DIAPH3: variants seen among roughly 807,000 people sequenced by gnomAD.
DIAPH3 encodes protein diaphanous homolog 3.
In DIAPH3, 117 loss-of-function variants were observed where a neutral mutation model predicts 144.3. The observed-to-expected ratio is 0.81, with a 90% CI of 0.70 to 0.95. The LOEUF is 0.95. Ranked by LOEUF, DIAPH3 falls within the 40% of genes least tolerant of loss-of-function variation. The pLI, the probability that DIAPH3 is intolerant of heterozygous loss-of-function variation, is 0.00. For missense variants in DIAPH3, 1,421 were observed against 1,412.7 expected, an observed-to-expected ratio of 1.01 and a Z score of -0.09; for synonymous variants, 519 against 488.9, an observed-to-expected ratio of 1.06 and a Z score of -0.81.
intron 17 of DIAPH3, among the ~76,000 whole-genome samples, chr13:59,947,734 A>T (rs537186773): frequency 1.6e-5 from 2 of 124,652 alleles, no homozygotes; most frequent in South Asian, 4.9e-4. Context: ...CTCTGTATTT[A>T]AAAAAAAAAA....
intron 12 of DIAPH3, among the ~76,000 whole-genome samples, chr13:59,988,228 G>C (rs2051557965): frequency 6.6e-6 from 1 of 151,744 alleles, no homozygotes; most frequent in African/African-American, 2.4e-5. Context: ...GCCTCTATTT[G>C]TTCAAGTTCT....
At chr13:59,740,314 T>G (rs533906065) in intron 27 of DIAPH3, among the ~76,000 whole-genome samples, 38 of 152,358 alleles carry the variant, frequency 2.5e-4, no homozygotes, top group African/African-American at 8.9e-4. Context: ...ATTATACCTA[T>G]GAGACTGTAC....
chr13:59,945,326 A>G (rs1266500561), intron 17 of DIAPH3, among the ~76,000 whole-genome samples: 3 of 152,082 alleles, frequency 2.0e-5, no homozygotes, highest in African/African-American at 7.2e-5. Flanking sequence ...TTGTTGGCCT[A>G]TTTATTTTCT....
intron 27 of DIAPH3, among the ~76,000 whole-genome samples, chr13:59,668,950 G>A (rs998349466): frequency 2.0e-5 from 3 of 151,992 alleles, no homozygotes; most frequent in African/African-American, 7.3e-5. Context: ...TATAGATTGA[G>A]GGGTAAAAGC....
chr13:59,678,324 A>C (rs1237745070), intron 27 of DIAPH3, among the ~76,000 whole-genome samples: 1 of 152,164 alleles, frequency 6.6e-6, no homozygotes, highest in Non-Finnish European at 1.5e-5. Context: ...AAATGAGTGA[A>C]AAAAAGAAAT....
intron 22 of DIAPH3, among the ~76,000 whole-genome samples, chr13:59,857,845 G>A (rs2043342977): frequency 6.6e-6 from 1 of 152,122 alleles, no homozygotes. Flanking sequence ...ATTTAACTTA[G>A]GCAAAAGCCA....
At chr13:60,088,953 T>C (rs1238479780) in intron 4 of DIAPH3, among the ~76,000 whole-genome samples, 3 of 152,272 alleles carry the variant, frequency 2.0e-5, no homozygotes, top group Non-Finnish European at 4.4e-5. Context: ...CCTCTGTAAT[T>C]GATAGAGAAA....
chr13:59,902,968 T>C lies in DIAPH3; in HGVS notation c.2367+8767A>G, dbSNP rs181139696. On this transcript the variant is annotated intron_variant, in intron 20 of 27. Coordinates refer to ENST00000400324, the MANE Select transcript of DIAPH3 (RefSeq NM_001042517.2). ...TACCAAATGGCCATCTAAAGCACCA[T>C]AGAACTTGAGGGACCTTGGACAACT... Among the ~76,000 whole-genome samples, 278 of 152,288 alleles carry C rather than the reference T, an allele frequency of 1.8e-3. 3 individuals carry two copies. The highest frequency in any genetic ancestry group is 6.5e-3 in the African/African-American group (269 of 41,556).
chr13:60,041,903 G>A (rs1407490119), intron 5 of DIAPH3, among the ~76,000 whole-genome samples: 1 of 151,996 alleles, frequency 6.6e-6, no homozygotes, highest in African/African-American at 2.4e-5. Context: ...AATGGCCTCT[G>A]AATAGACTGA....
chr13:59,901,849 A>G (rs1349747030), intron 20 of DIAPH3, among the ~76,000 whole-genome samples: 1 of 152,218 alleles, frequency 6.6e-6, no homozygotes, highest in African/African-American at 2.4e-5. Context: ...CTACTGGAAT[A>G]GTTGCTACCA....
At chr13:60,083,003 A>T (rs898578822) in intron 4 of DIAPH3, among the ~76,000 whole-genome samples, 1 of 152,062 alleles carries the variant, frequency 6.6e-6, no homozygotes, top group Non-Finnish European at 1.5e-5. Flanking sequence ...AAACAAAAAG[A>T]ACAGTAAGTA....
intron 17 of DIAPH3, among the ~76,000 whole-genome samples, chr13:59,952,880 T>C (rs2049171854): frequency 6.6e-6 from 1 of 152,200 alleles, no homozygotes; most frequent in Admixed American, 6.5e-5. Flanking sequence ...TGCCCATATG[T>C]GCCAAGCATT....
At chr13:60,144,727 G>A (rs1346863968) in intron 1 of DIAPH3, 1 of 152,308 alleles carries the variant, frequency 6.6e-6, no homozygotes, top group African/African-American at 2.4e-5. Flanking sequence ...GCCACACAAT[G>A]CAGAGAATCA....
intron 27 of DIAPH3, among the ~76,000 whole-genome samples, chr13:59,753,611 CACTT>C (rs2037122776): frequency 1.3e-5 from 2 of 152,100 alleles, no homozygotes; most frequent in African/African-American, 2.4e-5. Flanking sequence ...TTATACTTGT[CACTT>C]ACAGTGAAAT....
At chr13:59,902,461 G>A (rs549051779) in intron 20 of DIAPH3, among the ~76,000 whole-genome samples, 20 of 152,240 alleles carry the variant, frequency 1.3e-4, no homozygotes, top group Non-Finnish European at 2.2e-4. Flanking sequence ...TCGCAGAACT[G>A]TCAGCCAATT....
intron 13 of DIAPH3, among the ~76,000 whole-genome samples, chr13:59,982,657 G>T (rs1333438992): frequency 2.0e-5 from 3 of 151,544 alleles, no homozygotes; most frequent in African/African-American, 4.8e-5. Context: ...CTGACAAATG[G>T]TGACTTCTTA....
chr13:59,705,673 TA>T (rs2034378224), intron 27 of DIAPH3, among the ~76,000 whole-genome samples: 1 of 152,234 alleles, frequency 6.6e-6, no homozygotes, highest in South Asian at 2.1e-4. Flanking sequence ...TTCATTATTT[TA>T]GTCTTATGGC....
At chr13:60,017,905 C>T in intron 5 of DIAPH3, among the ~76,000 whole-genome samples, 1 of 152,190 alleles carries the variant, frequency 6.6e-6, no homozygotes, top group Admixed American at 6.5e-5. Context: ...CTATCAGCGA[C>T]ACACAGATTA....
intron 24 of DIAPH3, among the ~76,000 whole-genome samples, chr13:59,827,782 A>G (rs1289683575): frequency 1.3e-5 from 2 of 152,034 alleles, no homozygotes; most frequent in Admixed American, 1.3e-4. Context: ...TGGGAACCGT[A>G]CATACATTAT....
Sources: gnomAD v4.1 joint callset for allele counts (sites outside exome capture counted in the v4.1 genomes callset) on GRCh38, gnomAD v4.1.1 for gene constraint, MANE v1.5 for transcripts, NCBI Gene and HGNC (gene_info 2026-07-23, HGNC 2026-07-21) for gene names.